The following SEC14L5 variants were observed in gnomAD, a reference collection of about 807,000 sequenced individuals.
SEC14L5 encodes SEC14-like protein 5.
Under a neutral mutation model 84.6 loss-of-function variants are expected in SEC14L5, and 96 were observed. The observed-to-expected ratio is 1.13, with a 90% CI of 0.96 to 1.34. The LOEUF (loss-of-function observed/expected upper bound fraction) is 1.34. Ranked by LOEUF, SEC14L5 falls within the 40% of genes most tolerant of loss-of-function variation. The pLI, the probability that SEC14L5 is intolerant of heterozygous loss-of-function variation, is 0.00. For synonymous variants in SEC14L5, 546 were observed against 383.4 expected (o/e 1.42, Z -4.95); for missense variants, 1,224 against 942.5 (o/e 1.30, Z -3.91).
At chr16:4,964,756 G>A (rs991848127) in intron 2 of SEC14L5, among the ~76,000 whole-genome samples, 7 of 150,824 alleles carry the variant, frequency 4.6e-5, no homozygotes, top group Non-Finnish European at 1.0e-4. Flanking sequence ...TTTTCGATAC[G>A]GGGTCTCACT....
At chr16:4,973,896 C>G (rs1473516530) in intron 2 of SEC14L5, among the ~76,000 whole-genome samples, 1 of 151,974 alleles carries the variant, frequency 6.6e-6, no homozygotes, top group African/African-American at 2.4e-5. Context: ...GTTGACCAGG[C>G]TGGTCTTGAA....
At chr16:4,960,540 G>C (rs892546046) in intron 2 of SEC14L5, 3 of 152,178 alleles carry the variant, frequency 2.0e-5, no homozygotes, top group African/African-American at 7.2e-5. Context: ...GGATTTAAAA[G>C]CATCACCAAA....
intron 2 of SEC14L5, among the ~76,000 whole-genome samples, chr16:4,969,377 G>A (rs1309741781): frequency 6.6e-6 from 1 of 151,864 alleles, no homozygotes; most frequent in Non-Finnish European, 1.5e-5. Flanking sequence ...AATGTGCACT[G>A]ATCTAGTACT....
intron 6 of SEC14L5, among the ~76,000 whole-genome samples, chr16:4,993,603 C>G (rs2908680): frequency 6.6e-6 from 1 of 152,052 alleles, no homozygotes; most frequent in Non-Finnish European, 1.5e-5. Context: ...CTATTTAGGT[C>G]GTTTCAGTTT....
rs757460744 is a variant in SEC14L5 at position 5,008,418 on chromosome 16, C to T, written c.1573-3C>T. 1.2e-6 allele frequency: 2 copies of T among 1,605,170 alleles called. No homozygotes were observed. Among genetic ancestry groups the T allele is most frequent in the African/African-American group, 1.3e-5 (1 of 74,886 alleles). On this transcript the variant is annotated splice_polypyrimidine_tract_variant and splice_region_variant and intron_variant, in intron 13 of 15. Transcript: ENST00000251170. ...CTCTCAGACCTCGCCTGTCTCCACA[C>T]AGGTGGCCGTGGAGATCCTGGAAGG...
chr16:5,010,932 C>T lies in SEC14L5; in HGVS notation c.1801-163C>T, dbSNP rs1036217866. ...ATGGGGATAATAGCAAGGATGGCTT[C>T]CAGAGGCCCTGACAGGAGGAGTTGC... On this transcript the variant is annotated intron_variant, in intron 14 of 15. Coordinates refer to ENST00000251170, the MANE Select transcript of SEC14L5 (RefSeq NM_014692.2). 1.5e-5 allele frequency: 10 copies of T among 647,838 alleles called. No individual in the cohort carries two copies. In the African/African-American group the frequency reaches 1.8e-4, roughly 12 times the overall value. 40.1% of individuals were successfully genotyped at this position (647,838 alleles called of 1,614,324 possible). A position where few individuals can be genotyped will look rare whatever the true frequency, so the allele number is the denominator to read the frequency against.
At chr16:4,994,672 G>C (rs117584105) in intron 6 of SEC14L5, among the ~76,000 whole-genome samples, 2 of 150,258 alleles carry the variant, frequency 1.3e-5, no homozygotes, top group Admixed American at 1.3e-4. Flanking sequence ...GGCTGTTGTT[G>C]TATGTGCACA....
intron 2 of SEC14L5, among the ~76,000 whole-genome samples, chr16:4,962,628 C>T (rs566962592): frequency 1.5e-5 from 2 of 136,914 alleles, no homozygotes; most frequent in East Asian, 4.4e-4. Flanking sequence ...GCGGAGGTTG[C>T]AGGGAGCCGA....
At chr16:4,989,922 A>G (rs1054437476) in intron 4 of SEC14L5, among the ~76,000 whole-genome samples, 2 of 152,154 alleles carry the variant, frequency 1.3e-5, no homozygotes, top group Non-Finnish European at 2.9e-5. Context: ...GTTTCTGCCC[A>G]CAGACGTTTG....
chr16:5,012,530 C>G (rs1955817380), intron 15 of SEC14L5, among the ~76,000 whole-genome samples: 1 of 152,222 alleles, frequency 6.6e-6, no homozygotes, highest in African/African-American at 2.4e-5. Context: ...AGACCAAAGG[C>G]TCACACCCAA....
chr16:4,971,117 C>G lies in SEC14L5; in HGVS notation c.63+11731C>G, dbSNP rs553085865. Among the ~76,000 whole-genome samples the G allele has an allele frequency of 1.1e-3, 162 of 148,600 alleles. 1 individual carries two copies. The highest frequency in any genetic ancestry group is 3.8e-3 in the African/African-American group (155 of 40,536). ...AAAAAAAAAAAAAAAAAAGAACTAG[C>G]TGACTTTGGTCCTGTTGCAGCCATG... On this transcript the variant is annotated intron_variant, in intron 2 of 15. Coordinates refer to ENST00000251170, the MANE Select transcript of SEC14L5 (RefSeq NM_014692.2).
In SEC14L5 at chr16:4,993,149, C is replaced by T. The variant is rs897399860; in HGVS notation, c.667+1119C>T. Among the ~76,000 whole-genome samples the T allele has an allele frequency of 6.6e-5, 10 of 152,220 alleles. No homozygotes were observed. In the East Asian group the frequency reaches 1.7e-3, roughly 26 times the overall value. Reference sequence around the variant, plus strand: ...CCTTGAAATCCTGGGCTCAAACGATCCTCCTGCCCCAGCTTCCTGAGTAGC... The same window carrying T: ...CCTTGAAATCCTGGGCTCAAACGATTCTCCTGCCCCAGCTTCCTGAGTAGC... On this transcript the variant is annotated intron_variant, in intron 6 of 15. Transcript: ENST00000251170.
chr16:5,007,400 G>A lies in SEC14L5; in HGVS notation c.1486G>A (p.Glu496Lys). The change falls in exon 13 of 16, where the codon GAA (glutamate) becomes AAA (lysine). Residue 496 changes from glutamate (E) to lysine (K), a missense_variant. Coordinates refer to ENST00000251170, the MANE Select transcript of SEC14L5 (RefSeq NM_014692.2). ...GGTCCCCAAGTCCCTCTACATGACAGAAGAGGAGCAGGAGCACACGGACCA... is the reference window on the plus strand; with the variant it reads ...GGTCCCCAAGTCCCTCTACATGACAAAAGAGGAGCAGGAGCACACGGACCA... Reference protein sequence around the residue: ...GLVPKSLYMTEEEQEHTDQLW... With the variant: ...GLVPKSLYMTKEEQEHTDQLW... The A allele has an allele frequency of 6.2e-7, 1 of 1,613,872 alleles. No homozygotes were observed. Among genetic ancestry groups the A allele is most frequent in the Non-Finnish European group, 8.5e-7 (1 of 1,179,802 alleles).
intron 15 of SEC14L5, among the ~76,000 whole-genome samples, chr16:5,013,123 C>T (rs1367799449): frequency 6.6e-6 from 1 of 152,084 alleles, no homozygotes; most frequent in Non-Finnish European, 1.5e-5. Context: ...GGGGAAACTG[C>T]CCCCATGATC....
chr16:5,014,820 C>G (rs1567132379), intron 15 of SEC14L5, 39 bp from the exon 16 acceptor site: 1 of 1,515,762 alleles, frequency 6.6e-7, no homozygotes. Context: ...GGCCTTGTCA[C>G]TGTGAGAGGG....
At chr16:4,994,187 C>G (rs543926992) in intron 6 of SEC14L5, among the ~76,000 whole-genome samples, 1 of 152,252 alleles carries the variant, frequency 6.6e-6, no homozygotes, top group East Asian at 1.9e-4. Flanking sequence ...AAATCCAGTT[C>G]TAGCCATGTG....
rs1317616648 is a variant in SEC14L5, at chr16:5,016,860, T to C, written c.*1890T>C. Reference sequence around the variant, plus strand: ...GTTGGCTCTCTGTCCGCTTCTCAGGTATCTGAACAAAATAGATTGCTTTGC... The same window carrying C: ...GTTGGCTCTCTGTCCGCTTCTCAGGCATCTGAACAAAATAGATTGCTTTGC... On this transcript the variant is annotated 3_prime_UTR_variant, in exon 16 of 16. Coordinates refer to ENST00000251170, the MANE Select transcript of SEC14L5 (RefSeq NM_014692.2). 6.6e-6 allele frequency: 1 copy of C among 152,200 alleles called. No individual in the cohort carries two copies. Among genetic ancestry groups the C allele is most frequent in the African/African-American group, 2.4e-5 (1 of 41,448 alleles). The allele number at this position is 152,200 out of a possible 1,614,324, so 9.4% of individuals were successfully genotyped here.
At chr16:5,007,099 T>A (rs952386217) in intron 12 of SEC14L5, among the ~76,000 whole-genome samples, 4 of 152,184 alleles carry the variant, frequency 2.6e-5, no homozygotes, top group African/African-American at 9.7e-5. Context: ...TCACTCACTT[T>A]CTGCTGTGTG....
chr16:4,985,289 AAT>A (rs1358232871), intron 2 of SEC14L5, among the ~76,000 whole-genome samples: 1 of 152,054 alleles, frequency 6.6e-6, no homozygotes, highest in African/African-American at 2.4e-5. Flanking sequence ...GCAATGGCAC[AAT>A]GTCGCCTCAC....
Sources: allele counts gnomAD v4.1 joint callset (sites outside exome capture counted in the v4.1 genomes callset), GRCh38; gene constraint gnomAD v4.1.1; transcripts MANE v1.5; gene names NCBI Gene and HGNC (gene_info 2026-07-23, HGNC 2026-07-21).